EXOC4: variants seen among roughly 807,000 people sequenced by gnomAD.
EXOC4 encodes SEC8-like 1.
A neutral mutation model predicts 107.2 loss-of-function variants in EXOC4; 71 were observed. That is an observed-to-expected ratio of 0.66 (90% confidence interval 0.55 to 0.81). The LOEUF is 0.81. Among genes scored for constraint, EXOC4 ranks in the 30% least tolerant of loss-of-function variants. EXOC4 has a pLI of 0.00. For missense variants in EXOC4, 1,108 were observed against 1,189.6 expected, an observed-to-expected ratio of 0.93 and a Z score of 1.01; for synonymous variants, 456 against 441.2, an observed-to-expected ratio of 1.03 and a Z score of -0.42.
intron 10 of EXOC4, among the ~76,000 whole-genome samples, chr7:133,747,389 T>C (rs1452264232): frequency 6.6e-6 from 1 of 152,096 alleles, no homozygotes; most frequent in Admixed American, 6.6e-5. Flanking sequence ...ATGGTACAGG[T>C]TGAATTTTTC....
chr7:133,658,096 T>C (rs1803344227), intron 10 of EXOC4, among the ~76,000 whole-genome samples: 1 of 152,072 alleles, frequency 6.6e-6, no homozygotes, highest in Non-Finnish European at 1.5e-5. Context: ...ACTGAGACCC[T>C]AGAGGATGAC....
chr7:134,060,016 A>G (rs373254962), intron 17 of EXOC4, among the ~76,000 whole-genome samples: 1 of 152,252 alleles, frequency 6.6e-6, no homozygotes, highest in Non-Finnish European at 1.5e-5. Flanking sequence ...ATACCATTAA[A>G]ATAAAGCACA....
chr7:134,047,519 C>A (rs576605976), intron 17 of EXOC4, among the ~76,000 whole-genome samples: 1 of 152,122 alleles, frequency 6.6e-6, no homozygotes, highest in Non-Finnish European at 1.5e-5. Flanking sequence ...CCAGACACCC[C>A]CCAAAGGCAC....
At chr7:133,260,330 A>G (rs1462176600) in intron 1 of EXOC4, among the ~76,000 whole-genome samples, 1 of 151,326 alleles carries the variant, frequency 6.6e-6, no homozygotes, top group Non-Finnish European at 1.5e-5. Flanking sequence ...CTGGAGTGCA[A>G]TGGCACCATC....
chr7:134,100,352 A>T, the EXOC4 span, among the ~76,000 whole-genome samples: 7 of 88,642 alleles, frequency 7.9e-5, 3 homozygotes, highest in Non-Finnish European at 1.9e-4. Context: ...CTGATTTTGA[A>T]CTCCTCGCCT....
chr7:133,936,646 GTTTTGTTTTGT>G (rs1318274236), intron 13 of EXOC4, among the ~76,000 whole-genome samples: 8 of 151,924 alleles, frequency 5.3e-5, no homozygotes, highest in Non-Finnish European at 1.0e-4. Context: ...CATCTTTTTT[GTTTTGTTTTGT>G]TTTTGTTTTG....
At chr7:133,687,168 T>C (rs2151073796) in intron 10 of EXOC4, among the ~76,000 whole-genome samples, 1 of 152,062 alleles carries the variant, frequency 6.6e-6, no homozygotes, top group South Asian at 2.1e-4. Context: ...AACCAAACAT[T>C]GTGTGAAGTT....
At chr7:133,488,597 A>T (rs1799313590) in intron 9 of EXOC4, among the ~76,000 whole-genome samples, 1 of 152,194 alleles carries the variant, frequency 6.6e-6, no homozygotes, top group Admixed American at 6.5e-5. Context: ...TAGGAAAAAA[A>T]CAAAGAAATT....
At chr7:133,664,709 T>C (rs1011225745) in intron 10 of EXOC4, among the ~76,000 whole-genome samples, 1 of 152,170 alleles carries the variant, frequency 6.6e-6, no homozygotes, top group African/African-American at 2.4e-5. Flanking sequence ...GATAAATCTA[T>C]GCAGAATTCA....
At chr7:133,483,792 G>A (rs1206136381) in intron 9 of EXOC4, among the ~76,000 whole-genome samples, 1 of 152,148 alleles carries the variant, frequency 6.6e-6, no homozygotes, top group African/African-American at 2.4e-5. Flanking sequence ...CAGGAAAAAA[G>A]AGAAGAAAAT....
intron 9 of EXOC4, among the ~76,000 whole-genome samples, chr7:133,629,117 G>C (rs983597045): frequency 1.3e-5 from 2 of 151,982 alleles, no homozygotes; most frequent in South Asian, 2.1e-4. Context: ...GAGGTTTATG[G>C]TAACCATTTG....
intron 9 of EXOC4, chr7:133,576,920 ATCTCTTATTC>A: frequency 1.6e-6 from 2 of 1,250,230 alleles, no homozygotes; most frequent in Non-Finnish European, 1.0e-6. Flanking sequence ...TGCTTTCCAG[ATCTCTTATTC>A]ACTGCATGTG....
At chr7:133,411,556 C>T (rs1436134754) in intron 7 of EXOC4, among the ~76,000 whole-genome samples, 2 of 152,096 alleles carry the variant, frequency 1.3e-5, no homozygotes, top group Non-Finnish European at 2.9e-5. Flanking sequence ...CTGACCTCAG[C>T]CAGTACATTA....
At chr7:133,833,882 A>C (rs755330344) in intron 11 of EXOC4, among the ~76,000 whole-genome samples, 2 of 152,176 alleles carry the variant, frequency 1.3e-5, no homozygotes, top group Non-Finnish European at 1.5e-5. Context: ...AACTTTCAAT[A>C]TTAGGTGGCT....
chr7:133,728,152 T>G (rs575052326), intron 10 of EXOC4, among the ~76,000 whole-genome samples: 2 of 152,352 alleles, frequency 1.3e-5, no homozygotes, highest in Admixed American at 6.5e-5. Context: ...TATAACTTTA[T>G]CATTAGACCT....
intron 7 of EXOC4, among the ~76,000 whole-genome samples, chr7:133,385,187 C>T (rs1378017904): frequency 6.6e-6 from 1 of 152,198 alleles, no homozygotes; most frequent in Non-Finnish European, 1.5e-5. Context: ...TGGGGCATTA[C>T]TTGGTATCAC....
At chr7:133,919,432 A>G (rs868789471) in intron 13 of EXOC4, among the ~76,000 whole-genome samples, 2 of 152,210 alleles carry the variant, frequency 1.3e-5, no homozygotes, top group South Asian at 2.1e-4. Flanking sequence ...TTCTAAATAT[A>G]TCGGTTTTGA....
At chr7:133,365,956 T>C (rs772852936) in intron 6 of EXOC4, among the ~76,000 whole-genome samples, 6 of 152,234 alleles carry the variant, frequency 3.9e-5, no homozygotes, top group Non-Finnish European at 8.8e-5. Context: ...CTATGGTTAT[T>C]GCTTTTGTCA....
intron 14 of EXOC4, among the ~76,000 whole-genome samples, chr7:133,951,079 C>T (rs79652648): frequency 0.22 from 33,998 of 152,208 alleles, 4,995 homozygotes; most frequent in East Asian, 0.44. Flanking sequence ...CTGCCACAAG[C>T]GCCACCAGCG....
Sources: allele counts gnomAD v4.1 joint callset (sites outside exome capture counted in the v4.1 genomes callset), GRCh38; gene constraint gnomAD v4.1.1; transcripts MANE v1.5; gene names NCBI Gene and HGNC (gene_info 2026-07-23, HGNC 2026-07-21).